PARD6G: variants seen among roughly 807,000 people sequenced by gnomAD.
PARD6G encodes par-6 family cell polarity regulator gamma.
A neutral mutation model predicts 10.7 loss-of-function variants in PARD6G; 7 were observed. That is an observed-to-expected ratio of 0.66 (90% CI 0.37 to 1.23). The LOEUF (loss-of-function observed/expected upper bound fraction) is 1.23, where lower values mean the gene tolerates loss of function less well. Ranked by LOEUF, PARD6G falls within the 50% of genes most tolerant of loss-of-function variation. The probability of loss-of-function intolerance (pLI) is 0.02; values close to 1 mark genes in which losing one functional copy is unlikely to be tolerated. For missense variants in PARD6G, 548 were observed against 571.8 expected (o/e 0.96, Z 0.42); for synonymous variants, 287 against 269.4 (o/e 1.07, Z -0.64).
intron 2 of PARD6G, among the ~76,000 whole-genome samples, chr18:80,197,083 G>GC (rs1316350350): frequency 5.3e-5 from 8 of 151,966 alleles, no homozygotes; most frequent in Non-Finnish European, 1.5e-5. Flanking sequence ...CCTCTTCCCT[G>GC]CCCCCAAGAA....
chr18:80,213,587 T>G (rs1967129476), intron 1 of PARD6G, among the ~76,000 whole-genome samples: 1 of 152,108 alleles, frequency 6.6e-6, no homozygotes, highest in Non-Finnish European at 1.5e-5. Context: ...CTTCATAGAA[T>G]TAGTCCAGGA....
At chr18:80,198,978 C>T (rs1966983319) in intron 2 of PARD6G, among the ~76,000 whole-genome samples, 1 of 152,206 alleles carries the variant, frequency 6.6e-6, no homozygotes, top group Admixed American at 6.5e-5. Context: ...AGTTCTAGAA[C>T]ATTTCTATCA....
rs909862963 is a variant in PARD6G at position 80,189,594 on chromosome 18, C to T, written c.295+13116G>A. 1.3e-5 allele frequency among the ~76,000 whole-genome samples: 2 copies of T among 152,190 alleles called. No homozygotes were observed. The highest frequency in any genetic ancestry group is 1.3e-4 in the Admixed American group (2 of 15,278). ...TTCTCTTACCCGCTAACTGACACCA[C>T]GTCAGGAGCCCACCAGGCCAGGCAG... is the stretch of plus-strand genomic sequence containing the variant. On this transcript the variant is annotated intron_variant, in intron 2 of 2. Coordinates refer to ENST00000353265, the MANE Select transcript of PARD6G (RefSeq NM_032510.4). The surrounding 1 kb of genome is among the most constrained non-coding windows in gnomAD (Gnocchi z 5.5).
rs1421789040 is a variant in PARD6G at position 80,246,489 on chromosome 18, G to C, written c.72+788C>G. Among the ~76,000 whole-genome samples the C allele has an allele frequency of 6.6e-6, 1 of 152,116 alleles. No homozygotes were observed. The highest frequency in any genetic ancestry group is 6.5e-5 in the Admixed American group (1 of 15,282). ...GGGAGGGGCCGGGCACGCCCGTGGG[G>C]GTGGTCTGGGTACGGGTCTGATCCG... On this transcript the variant is annotated intron_variant, in intron 1 of 2. Coordinates refer to ENST00000353265, the MANE Select transcript of PARD6G (RefSeq NM_032510.4). This position sits in a 1 kb window ranked among gnomAD's most constrained non-coding sequence, Gnocchi z 6.7.
At chr18:80,223,382 G>C (rs573795392) in intron 1 of PARD6G, among the ~76,000 whole-genome samples, 1 of 152,276 alleles carries the variant, frequency 6.6e-6, no homozygotes, top group East Asian at 1.9e-4. Flanking sequence ...TAAGGGACTT[G>C]TGCCTCTGAT....
At chr18:80,219,210 T>TTGTC (rs1430950995) in intron 1 of PARD6G, among the ~76,000 whole-genome samples, 44 of 151,542 alleles carry the variant, frequency 2.9e-4, no homozygotes, top group Non-Finnish European at 5.3e-4. Flanking sequence ...TAGGGTTTGT[T>TTGTC]TGTTTGTTTG....
At chr18:80,177,218 G>GCGCACACA (rs1555734815) in intron 2 of PARD6G, among the ~76,000 whole-genome samples, 1,573 of 98,876 alleles carry the variant, frequency 0.016, 37 homozygotes, top group Non-Finnish European at 0.021. Context: ...AATGGGAAGC[G>GCGCACACA]CACACACACA....
intron 1 of PARD6G, among the ~76,000 whole-genome samples, chr18:80,206,655 C>T (rs1435894538): frequency 3.3e-5 from 5 of 152,204 alleles, no homozygotes; most frequent in Admixed American, 6.5e-5. Flanking sequence ...TGCTTAGGGG[C>T]CTTCACTCTC....
intron 1 of PARD6G, among the ~76,000 whole-genome samples, chr18:80,225,560 C>G (rs1967280827): frequency 6.6e-6 from 1 of 152,364 alleles, no homozygotes; most frequent in Middle Eastern, 3.4e-3. Flanking sequence ...TCACCTCCCC[C>G]TTCAGGCTGG....
At chr18:80,172,595 G>A (rs1048806499) in intron 2 of PARD6G, among the ~76,000 whole-genome samples, 3 of 152,150 alleles carry the variant, frequency 2.0e-5, no homozygotes, top group African/African-American at 7.2e-5. Context: ...AGGTTGGCCA[G>A]GCTGGTCTTG....
intron 2 of PARD6G, among the ~76,000 whole-genome samples, chr18:80,164,156 ACCT>A (rs1335502168): frequency 6.6e-6 from 1 of 152,060 alleles, no homozygotes; most frequent in East Asian, 1.9e-4. Context: ...CTGGACCCTC[ACCT>A]CCTCAAGGCT....
rs933138120 is a variant in PARD6G, at chr18:80,200,017, C to T, written c.295+2693G>A. On this transcript the variant is annotated intron_variant, in intron 2 of 2. Transcript: ENST00000353265. The surrounding 1 kb of genome is among the most constrained non-coding windows in gnomAD (Gnocchi z 4.4). ...ATGTATTAGGAGAATGCTGACTTTT[C>T]CTCTGTGATAGTAAATTCCCTCTTA... Among the ~76,000 whole-genome samples, 2 of 152,156 alleles carry T rather than the reference C, an allele frequency of 1.3e-5. No homozygotes were observed. Among genetic ancestry groups the T allele is most frequent in the Non-Finnish European group, 2.9e-5 (2 of 68,028 alleles).
chr18:80,209,169 T>A (rs1204374977), intron 1 of PARD6G, among the ~76,000 whole-genome samples: 3 of 151,590 alleles, frequency 2.0e-5, no homozygotes, highest in Non-Finnish European at 4.4e-5. Flanking sequence ...CCTGACACTA[T>A]GAGCTGTATC....
intron 1 of PARD6G, among the ~76,000 whole-genome samples, chr18:80,218,001 G>A (rs1435235681): frequency 6.6e-6 from 1 of 152,060 alleles, no homozygotes; most frequent in East Asian, 1.9e-4. Context: ...CAGCATGGAG[G>A]TAACTGCTCC....
intron 1 of PARD6G, among the ~76,000 whole-genome samples, chr18:80,226,254 TC>T (rs1967291158): frequency 7.3e-6 from 1 of 136,664 alleles, no homozygotes; most frequent in Non-Finnish European, 1.5e-5. Context: ...CACCGCAACC[TC>T]CGCCTCCTGG....
chr18:80,236,590 T>C (rs1450868439), intron 1 of PARD6G, among the ~76,000 whole-genome samples: 2 of 152,210 alleles, frequency 1.3e-5, no homozygotes, highest in Non-Finnish European at 2.9e-5. Context: ...CATGATTGTA[T>C]ATCTAGAAAA....
Position 80,160,568 on chromosome 18 carries a change from A to C in PARD6G, c.334T>G (p.Cys112Gly), listed in dbSNP as rs746302897. 3.4e-6 allele frequency: 5 copies of C among 1,468,650 alleles called. No homozygotes were observed. Among genetic ancestry groups the C allele is most frequent in the African/African-American group, 1.4e-5 (1 of 70,342 alleles). 91.0% of individuals were successfully genotyped at this position (1,468,650 alleles called of 1,614,324 possible). The change falls in exon 3 of 3, where the codon TGC becomes GGC. Residue 112 changes from cysteine (C) to glycine (G), a missense_variant. By Grantham distance (159) the Cys-to-Gly change is radical. This residue lies in a region of PARD6G where 235 missense variants were observed against 291.9 expected (regional missense o/e 0.81). Transcript: ENST00000353265. Reference sequence around the variant, plus strand: ...GCGCCCAGCGCCCGCCTCCGCCTGCACAGCGAGCCCGCGCCGAGGCTGCCA... The same window carrying C: ...GCGCCCAGCGCCCGCCTCCGCCTGCCCAGCGAGCCCGCGCCGAGGCTGCCA... ...ERGSLGAGSL[C>G]RRRRALGALR...
At chr18:80,226,257 G>A (rs1206956370) in intron 1 of PARD6G, among the ~76,000 whole-genome samples, 1 of 134,842 alleles carries the variant, frequency 7.4e-6, no homozygotes, top group African/African-American at 2.8e-5. Context: ...CGCAACCTCC[G>A]CCTCCTGGGT....
At chr18:80,229,109 T>C (rs1038508030) in intron 1 of PARD6G, among the ~76,000 whole-genome samples, 1 of 152,120 alleles carries the variant, frequency 6.6e-6, no homozygotes, top group Admixed American at 6.5e-5. Context: ...CGGCTAATTT[T>C]TTGTATTTTT....
Sources: gnomAD v4.1 joint callset for allele counts (sites outside exome capture counted in the v4.1 genomes callset) on GRCh38, gnomAD v4.1.1 for gene constraint, gnomAD v4.1.1 regional missense constraint, Gnocchi (gnomAD v3.1) non-coding constraint, MANE v1.5 for transcripts, NCBI Gene and HGNC (gene_info 2026-07-23, HGNC 2026-07-21) for gene names.